Variants in MED29 observed in about 807,000 individuals in gnomAD.
MED29 encodes mediator of RNA polymerase II transcription subunit 29.
A neutral mutation model predicts 22.0 loss-of-function variants in MED29; 14 were observed. That is an observed-to-expected ratio of 0.64 (90% CI 0.42 to 0.99). MED29 has a LOEUF of 0.99. Among genes scored for constraint, MED29 ranks in the 50% least tolerant of loss-of-function variants. MED29 has a pLI of 0.00. For synonymous variants in MED29, 123 were observed against 107.8 expected (o/e 1.14, Z -0.87); for missense variants, 241 against 253.7 (o/e 0.95, Z 0.34).
At position 39,397,806 on chromosome 19, in the gene MED29, C is replaced by T; in HGVS notation, c.*107C>T. 2.0e-6 allele frequency: 3 copies of T among 1,483,228 alleles called. No individual in the cohort carries two copies. The South Asian group carries it at 4.0e-5, about 20-fold the overall frequency. The allele number at this position is 1,483,228 out of a possible 1,614,324, so 91.9% of individuals were successfully genotyped here. On this transcript the variant is annotated 3_prime_UTR_variant, in exon 4 of 4. Coordinates refer to ENST00000315588, the MANE Select transcript of MED29 (RefSeq NM_017592.4). ...GCAGCCTCCTCTCTTCCTGCCTGAG[C>T]ACCGCAGCGGGAGCCAGCAGGGGGC...
At chr19:39,392,429 C>G (rs2078392630) in intron 1 of MED29, 35 bp from the exon 2 acceptor site, 2 of 1,603,236 alleles carry the variant, frequency 1.2e-6, no homozygotes, top group South Asian at 1.1e-5. Flanking sequence ...TTTTGTTTTT[C>G]CATTTCCCAC....
chr19:39,393,076 C>CT (rs1451765583), intron 2 of MED29, among the ~76,000 whole-genome samples: 3 of 55,294 alleles, frequency 5.4e-5, no homozygotes, highest in African/African-American at 1.5e-4. Flanking sequence ...TTCTTTCTTT[C>CT]TTTTCTTTTT....
At chr19:39,392,581 C>T (rs2078395639) in intron 2 of MED29, 59 bp downstream of exon 2, 1 of 1,390,882 alleles carries the variant, frequency 7.2e-7, no homozygotes, top group Non-Finnish European at 1.0e-6. Context: ...TGAAATTCAT[C>T]TTTCCTTCTC....
chr19:39,398,138 C>A lies in MED29; in HGVS notation c.*439C>A. The A allele has an allele frequency of 3.3e-6, 1 of 303,886 alleles. No individual in the cohort carries two copies. Among genetic ancestry groups the A allele is most frequent in the Admixed American group, 4.7e-5 (1 of 21,362 alleles). 18.8% of individuals were successfully genotyped at this position (303,886 alleles called of 1,614,324 possible). A position where few individuals can be genotyped will look rare whatever the true frequency, so the allele number is the denominator to read the frequency against. ...CTGTTCCTGTTAATGTGTTTCTCCCCATGGTCCTATTTCTCTCACTCTGAC... is the reference window on the plus strand; with the variant it reads ...CTGTTCCTGTTAATGTGTTTCTCCCAATGGTCCTATTTCTCTCACTCTGAC... On this transcript the variant is annotated 3_prime_UTR_variant, in exon 4 of 4. Transcript: ENST00000315588.
chr19:39,394,469 C>G (rs561694903), intron 3 of MED29, among the ~76,000 whole-genome samples: 200 of 148,450 alleles, frequency 1.3e-3, no homozygotes, highest in Non-Finnish European at 2.7e-3. Flanking sequence ...TTTGGCCAGG[C>G]TGGTCTTGAA....
chr19:39,397,827 G>T lies in MED29; in HGVS notation c.*128G>T. On this transcript the variant is annotated 3_prime_UTR_variant, in exon 4 of 4. Coordinates refer to ENST00000315588, the MANE Select transcript of MED29 (RefSeq NM_017592.4). ...TGAGCACCGCAGCGGGAGCCAGCAGGGGGCAGCAGAGGCCAACAGGGAGCT... is the reference window on the plus strand; with the variant it reads ...TGAGCACCGCAGCGGGAGCCAGCAGTGGGCAGCAGAGGCCAACAGGGAGCT... The T allele has an allele frequency of 2.8e-6, 4 of 1,450,034 alleles. No individual in the cohort carries two copies. Among genetic ancestry groups the T allele is most frequent in the Non-Finnish European group, 3.7e-6 (4 of 1,094,768 alleles). The allele number at this position is 1,450,034 out of a possible 1,614,324, so 89.8% of individuals were successfully genotyped here.
chr19:39,393,064 CTTTCTTTCTTTCT>C (rs1568378073), intron 2 of MED29, among the ~76,000 whole-genome samples: 105 of 72,458 alleles, frequency 1.4e-3, no homozygotes, highest in South Asian at 0.011. Flanking sequence ...CCTTTTCTTT[CTTTCTTTCTTTCT>C]TTTCTTTTTT....
intron 3 of MED29, among the ~76,000 whole-genome samples, chr19:39,395,087 C>G (rs2078421111): frequency 6.6e-6 from 1 of 152,076 alleles, no homozygotes; most frequent in Admixed American, 6.6e-5. Context: ...CTCCTGGGGT[C>G]AAGCAATTCA....
In MED29 at chr19:39,397,680, G is replaced by C. The variant is rs1373160899; in HGVS notation, c.584G>C (p.Gly195Ala). ...VTGKTPAPPA[G>A]PGGTL Reference sequence around the variant, plus strand: ...GGCAAGACACCCGCACCACCTGCTGGCCCTGGGGGCACTCTGTGAAGTGGG... The same window carrying C: ...GGCAAGACACCCGCACCACCTGCTGCCCCTGGGGGCACTCTGTGAAGTGGG... Residue 195 changes from glycine to alanine, a missense_variant, in exon 4 of 4, where the codon GGC becomes GCC. Physicochemically the swap from Gly to Ala is moderately conservative, Grantham distance 60 (BLOSUM62 0). Transcript: ENST00000315588. 6.2e-7 allele frequency: 1 copy of C among 1,610,148 alleles called. No individual in the cohort carries two copies. The highest frequency in any genetic ancestry group is 8.5e-7 in the Non-Finnish European group (1 of 1,179,728).
At position 39,396,258 on chromosome 19, in the gene MED29, G is replaced by C. The variant is rs548655243; in HGVS notation, c.361-1199G>C. ...GTTCAAGACCAGCCTGGCCAACATGGCAAAACCCTGTCTCTACTAAAAATA... is the reference window on the plus strand; with the variant it reads ...GTTCAAGACCAGCCTGGCCAACATGCCAAAACCCTGTCTCTACTAAAAATA... On this transcript the variant is annotated intron_variant, in intron 3 of 3. Transcript: ENST00000315588. Among the ~76,000 whole-genome samples, 101 of 152,192 alleles carry C rather than the reference G, an allele frequency of 6.6e-4. 1 individual carries two copies. The highest frequency in any genetic ancestry group is 1.0e-3 in the Admixed American group (16 of 15,284).
At position 39,400,206 on chromosome 19, in the gene MED29, C is replaced by G. The variant is rs2078454621; in HGVS notation, c.*2507C>G. On this transcript the variant is annotated 3_prime_UTR_variant, in exon 4 of 4. Coordinates refer to ENST00000315588, the MANE Select transcript of MED29 (RefSeq NM_017592.4). Reference sequence around the variant, plus strand: ...CCAGTCCGAGCAACATAGCAAAAGCCCTTATCTGCAAAAAATTCAAAAATT... The same window carrying G: ...CCAGTCCGAGCAACATAGCAAAAGCGCTTATCTGCAAAAAATTCAAAAATT... The G allele has an allele frequency of 6.6e-6, 1 of 152,158 alleles. No individual in the cohort carries two copies. Among genetic ancestry groups the G allele is most frequent in the Admixed American group, 6.5e-5 (1 of 15,270 alleles). 9.4% of individuals were successfully genotyped at this position (152,158 alleles called of 1,614,324 possible). A position where few individuals can be genotyped will look rare whatever the true frequency, so the allele number is the denominator to read the frequency against.
intron 1 of MED29, 53 bp downstream of exon 1, chr19:39,391,691 C>A: frequency 1.3e-6 from 2 of 1,516,088 alleles, no homozygotes; most frequent in Non-Finnish European, 1.8e-6. Context: ...TCTAGAGGGG[C>A]AGGCCGAGGG....
intron 2 of MED29, 134 bp from the exon 3 acceptor site, chr19:39,393,419 C>T (rs2078410617): frequency 4.9e-6 from 4 of 817,980 alleles, no homozygotes; most frequent in Admixed American, 4.3e-5. Flanking sequence ...TTTTGAACCC[C>T]TCCGGTTTTC....
At chr19:39,395,812 G>A (rs1415029426) in intron 3 of MED29, among the ~76,000 whole-genome samples, 1 of 151,968 alleles carries the variant, frequency 6.6e-6, no homozygotes, top group Non-Finnish European at 1.5e-5. Flanking sequence ...AGCTACTAGG[G>A]AGGCTGAGGC....
At position 39,392,465 on chromosome 19, in the gene MED29, C is replaced by A. The variant is rs1355908524; in HGVS notation, c.218C>A (p.Thr73Asn). The A allele has an allele frequency of 6.2e-7, 1 of 1,613,554 alleles. No homozygotes were observed. The highest frequency in any genetic ancestry group is 8.5e-7 in the Non-Finnish European group (1 of 1,179,808). ...LIPQLKESLQ[T>N]LMKVAAQNLI... ...GTGTTTTGTTTTTGTTTTGACTAGA[C>A]CTTGATGAAGGTTGCGGCCCAAAAC... The change falls in exon 2 of 4, where the codon ACC becomes AAC. Residue 73 changes from threonine to asparagine, a missense_variant and splice_region_variant. Physicochemically the swap from Thr to Asn is moderately conservative, Grantham distance 65. Coordinates refer to ENST00000315588, the MANE Select transcript of MED29 (RefSeq NM_017592.4).
At chr19:39,392,031 A>T (rs2078387002) in intron 1 of MED29, among the ~76,000 whole-genome samples, 1 of 151,952 alleles carries the variant, frequency 6.6e-6, no homozygotes, top group African/African-American at 2.4e-5. Context: ...TCAAAAAAAT[A>T]AATAAATAAA....
intron 2 of MED29, among the ~76,000 whole-genome samples, chr19:39,393,081 CTTTTTTTTTTTTTTTT>C (rs142198224): frequency 2.0e-4 from 7 of 34,712 alleles, no homozygotes; most frequent in African/African-American, 6.6e-4. Context: ...TCTTTCTTTT[CTTTTTTTTTTTTTTTT>C]TTTTTTTTTT....
chr19:39,396,959 C>T (rs1453003894), intron 3 of MED29, among the ~76,000 whole-genome samples: 3 of 151,136 alleles, frequency 2.0e-5, no homozygotes, highest in South Asian at 2.1e-4. Flanking sequence ...ACCTGGGAGG[C>T]GGAGGTTGCA....
Position 39,399,563 on chromosome 19 carries a change from C to G in MED29, c.*1864C>G, listed in dbSNP as rs2078450400. On this transcript the variant is annotated 3_prime_UTR_variant, in exon 4 of 4. Coordinates refer to ENST00000315588, the MANE Select transcript of MED29 (RefSeq NM_017592.4). ...AAAATAAAAAACTGACCATCTAGTC[C>G]TTGTCATCTGGGCACCCTCACACAT... 1 of 152,268 alleles carries G rather than the reference C, an allele frequency of 6.6e-6. No individual in the cohort carries two copies. The highest frequency in any genetic ancestry group is 1.5e-5 in the Non-Finnish European group (1 of 68,034). 9.4% of individuals were successfully genotyped at this position (152,268 alleles called of 1,614,324 possible). A position where few individuals can be genotyped will look rare whatever the true frequency, so the allele number is the denominator to read the frequency against.
Sources: allele counts gnomAD v4.1 joint callset (sites outside exome capture counted in the v4.1 genomes callset), GRCh38; gene constraint gnomAD v4.1.1; transcripts MANE v1.5; gene names NCBI Gene and HGNC (gene_info 2026-07-23, HGNC 2026-07-21).